The following CUX1 variants were observed in gnomAD, a reference collection of about 807,000 sequenced individuals.
CUX1 encodes the protein cut like homeobox 1, also known as protein CASP.
In CUX1, 31 loss-of-function variants were observed where a neutral mutation model predicts 158.8. That is an observed-to-expected ratio of 0.20 (90% CI 0.15 to 0.26). The LOEUF (loss-of-function observed/expected upper bound fraction) is 0.26, where lower values mean the gene tolerates loss of function less well. Among genes scored for constraint, CUX1 ranks in the 10% least tolerant of loss-of-function variants. The pLI is 1.00. For synonymous variants in CUX1, 879 were observed against 862.1 expected (o/e 1.02, Z -0.34); for missense variants, 1,589 against 2,014.6 (o/e 0.79, Z 4.04).
intron 20 of CUX1, among the ~76,000 whole-genome samples, chr7:102,213,266 G>A (rs1354318373): frequency 2.0e-5 from 3 of 152,234 alleles, no homozygotes; most frequent in African/African-American, 7.2e-5. Flanking sequence ...ATCTATATGT[G>A]CCTTTCCAAA....
At chr7:102,135,717 G>A (rs1412096455) in intron 8 of CUX1, among the ~76,000 whole-genome samples, 6 of 152,144 alleles carry the variant, frequency 3.9e-5, no homozygotes, top group Non-Finnish European at 5.9e-5. Context: ...GCTCATGCCT[G>A]TAATTCCAGC....
chr7:102,176,174 A>G (rs1200140574), intron 10 of CUX1, among the ~76,000 whole-genome samples: 1 of 152,278 alleles, frequency 6.6e-6, no homozygotes, highest in African/African-American at 2.4e-5. Context: ...AAAACTTTAC[A>G]GACTTAAATG....
At chr7:101,937,118 C>T (rs1448637922) in intron 2 of CUX1, among the ~76,000 whole-genome samples, 5 of 152,078 alleles carry the variant, frequency 3.3e-5, no homozygotes, top group South Asian at 2.1e-4. Flanking sequence ...TGTCCCCTGC[C>T]GGGACTGTGT....
rs551589839 is a variant in CUX1, at chr7:101,981,299, C to A, written c.142-46799C>A. Among the ~76,000 whole-genome samples the A allele has an allele frequency of 3.3e-5, 5 of 152,296 alleles. No homozygotes were observed. In the East Asian group the frequency reaches 9.6e-4, roughly 29 times the overall value. ...ATGTGTTTGTTTCTTACTTGTCTTGCCGCATGAGGATGTAAGTTGCCTGAA... is the reference window on the plus strand; with the variant it reads ...ATGTGTTTGTTTCTTACTTGTCTTGACGCATGAGGATGTAAGTTGCCTGAA... On this transcript the variant is annotated intron_variant, in intron 2 of 23. Transcript: ENST00000292535.
At chr7:102,126,809 T>C (rs1416576185) in intron 8 of CUX1, among the ~76,000 whole-genome samples, 5 of 152,218 alleles carry the variant, frequency 3.3e-5, no homozygotes, top group Non-Finnish European at 7.3e-5. Flanking sequence ...TTTATTATTA[T>C]GACATTGTAA....
At chr7:101,921,596 A>C (rs1275489982) in intron 2 of CUX1, among the ~76,000 whole-genome samples, 1 of 151,906 alleles carries the variant, frequency 6.6e-6, no homozygotes, top group African/African-American at 2.4e-5. Context: ...GAGTAGCTGG[A>C]ATTACACGTA....
intron 2 of CUX1, among the ~76,000 whole-genome samples, chr7:102,020,879 T>TG (rs1819254332): frequency 7.0e-6 from 1 of 142,914 alleles, no homozygotes; most frequent in African/African-American, 2.6e-5. Flanking sequence ...AAACTCGGTT[T>TG]GGAAAAAAAA....
intron 10 of CUX1, among the ~76,000 whole-genome samples, chr7:102,177,240 C>T (rs557338312): frequency 6.6e-6 from 1 of 151,382 alleles, no homozygotes; most frequent in South Asian, 2.1e-4. Context: ...ATAGTGAAAC[C>T]CCATCTCTAC....
At chr7:101,833,871 C>G (rs1794332461) in intron 1 of CUX1, among the ~76,000 whole-genome samples, 1 of 152,072 alleles carries the variant, frequency 6.6e-6, no homozygotes, top group Non-Finnish European at 1.5e-5. Flanking sequence ...TTTTCCCCCC[C>G]AAATCAGGGC....
intron 8 of CUX1, among the ~76,000 whole-genome samples, chr7:102,120,833 G>GT (rs1371822465): frequency 6.6e-6 from 1 of 152,176 alleles, no homozygotes; most frequent in Non-Finnish European, 1.5e-5. Context: ...GGAGACTGAG[G>GT]TGGGAGGATC....
intron 2 of CUX1, among the ~76,000 whole-genome samples, chr7:102,023,871 C>T (rs753960822): frequency 1.3e-5 from 2 of 152,012 alleles, no homozygotes; most frequent in South Asian, 4.2e-4. Context: ...TACAAACACA[C>T]GTAGCTTTAA....
chr7:102,005,132 C>T (rs1055321474), intron 2 of CUX1, among the ~76,000 whole-genome samples: 4 of 152,086 alleles, frequency 2.6e-5, no homozygotes, highest in African/African-American at 9.7e-5. Context: ...CAGCTTCTAC[C>T]CAGAAGTACC....
chr7:102,215,929 A>G (rs1169536622), intron 20 of CUX1, among the ~76,000 whole-genome samples: 1 of 152,226 alleles, frequency 6.6e-6, no homozygotes, highest in Non-Finnish European at 1.5e-5. Flanking sequence ...GGGCACCCCC[A>G]AGCCTGCTGT....
chr7:102,183,219 G>A (rs1554514497), intron 11 of CUX1, among the ~76,000 whole-genome samples: 1 of 152,140 alleles, frequency 6.6e-6, no homozygotes, highest in East Asian at 1.9e-4. Flanking sequence ...TCACCATGTT[G>A]GCCAGGCTGG....
intron 20 of CUX1, among the ~76,000 whole-genome samples, chr7:102,210,860 G>A (rs1796438291): frequency 6.6e-6 from 1 of 152,148 alleles, no homozygotes; most frequent in African/African-American, 2.4e-5. Flanking sequence ...GTACAACCAG[G>A]AGATTCCCCT....
At chr7:102,199,294 A>G (rs1795138149) in intron 16 of CUX1, among the ~76,000 whole-genome samples, 1 of 152,092 alleles carries the variant, frequency 6.6e-6, no homozygotes, top group African/African-American at 2.4e-5. Flanking sequence ...CGCATCCCAC[A>G]TCGTCCCGGT....
chr7:101,989,650 CGGGGCTTTTGCAGGG>C (rs1814843486), intron 2 of CUX1, among the ~76,000 whole-genome samples: 1 of 152,130 alleles, frequency 6.6e-6, no homozygotes, highest in East Asian at 1.9e-4. Context: ...AGATTCTCAC[CGGGGCTTTTGCAGGG>C]AGTTTGGGGG....
rs1801116957 is a variant in CUX1 at position 102,248,781 on chromosome 7, C to G, written c.4257C>G (p.Asp1419Glu). 9.5e-7 allele frequency: 1 copy of G among 1,055,390 alleles called. No individual in the cohort carries two copies. The highest frequency in any genetic ancestry group is 1.1e-6 in the Non-Finnish European group (1 of 874,266). The allele number at this position is 1,055,390 out of a possible 1,614,324, so 65.4% of individuals were successfully genotyped here. A position where few individuals can be genotyped will look rare whatever the true frequency, so the allele number is the denominator to read the frequency against. ...TATAAPAAPEDAATSAAAAPG... is the reference protein window; with the variant it reads ...TATAAPAAPEEAATSAAAAPG... ...CCGCCGCGCCCGCGGCCCCCGAGGACGCCGCTACCTCAGCCGCCGCCGCGC... is the reference window on the plus strand; with the variant it reads ...CCGCCGCGCCCGCGGCCCCCGAGGAGGCCGCTACCTCAGCCGCCGCCGCGC... The change falls in exon 24 of 24, where the codon GAC becomes GAG. Residue 1419 changes from aspartate to glutamate, a missense_variant. Physicochemically the swap from Asp to Glu is conservative, Grantham distance 45. Around this residue, in one of 8 missense-constraint regions of CUX1, gnomAD observed 344 missense variants for 323.7 expected, o/e 1.06. Transcript: ENST00000292535. The surrounding 1 kb of genome is among the most constrained non-coding windows in gnomAD (Gnocchi z 5.8).
intron 14 of CUX1, among the ~76,000 whole-genome samples, chr7:102,270,609 C>T (rs782818892): frequency 7.2e-5 from 11 of 152,252 alleles, no homozygotes; most frequent in African/African-American, 9.6e-5. Flanking sequence ...GCCCGTGCAA[C>T]TGGCCTGTGC....
Sources: gnomAD v4.1 joint callset for allele counts (sites outside exome capture counted in the v4.1 genomes callset) on GRCh38, gnomAD v4.1.1 for gene constraint, gnomAD v4.1.1 regional missense constraint, Gnocchi (gnomAD v3.1) non-coding constraint, MANE v1.5 for transcripts, NCBI Gene and HGNC (gene_info 2026-07-23, HGNC 2026-07-21) for gene names.